BICDL1: variants seen among roughly 807,000 people sequenced by gnomAD.
BICDL1 encodes BICD family-like cargo adapter 1.
In BICDL1, 20 loss-of-function variants were observed where a neutral mutation model predicts 76.8. The observed-to-expected ratio is 0.26, with a 90% CI of 0.18 to 0.38. The LOEUF (loss-of-function observed/expected upper bound fraction) is 0.38, where lower values mean the gene tolerates loss of function less well. BICDL1 is among the 10% of genes least tolerant of loss of function. BICDL1 has a pLI of 1.00. For synonymous variants in BICDL1, 383 were observed against 337.1 expected (o/e 1.14, Z -1.49); for missense variants, 700 against 798.6 (o/e 0.88, Z 1.49).
At chr12:120,085,069 A>C (rs758661680) in intron 8 of BICDL1, among the ~76,000 whole-genome samples, 1 of 152,092 alleles carries the variant, frequency 6.6e-6, no homozygotes, top group Non-Finnish European at 1.5e-5. Context: ...TCATTTTAGA[A>C]ATTATTCTTG....
rs528929577 is a variant in BICDL1, at chr12:120,044,862, T to C, written c.646-16848T>C. ...GTGTGATGCCTCCGGCTTTGTTCTT[T>C]TGGCGTAGGATTGACTTGGCGATGC... On this transcript the variant is annotated intron_variant, in intron 2 of 9. Transcript: ENST00000548673. Among the ~76,000 whole-genome samples, 296 of 152,312 alleles carry C rather than the reference T, an allele frequency of 1.9e-3. 8 individuals carry two copies. The highest frequency in any genetic ancestry group is 3.4e-3 in the Middle Eastern group (1 of 294).
At position 119,996,770 on chromosome 12, in the gene BICDL1, T is replaced by C. The variant is rs964351717; in HGVS notation, c.430-1751T>C. Among the ~76,000 whole-genome samples the C allele has an allele frequency of 2.6e-5, 4 of 152,112 alleles. No homozygotes were observed. In the East Asian group the frequency reaches 7.7e-4, roughly 29 times the overall value. On this transcript the variant is annotated intron_variant, in intron 1 of 9. Transcript: ENST00000548673. ...CAATCTCAGGAATTGCAGTCCAGGGTGTATTTTGAATAGTTACACCAGAAT... is the reference window on the plus strand; with the variant it reads ...CAATCTCAGGAATTGCAGTCCAGGGCGTATTTTGAATAGTTACACCAGAAT...
At chr12:120,088,870 T>TA (rs1555294451) in intron 8 of BICDL1, among the ~76,000 whole-genome samples, 4 of 151,494 alleles carry the variant, frequency 2.6e-5, no homozygotes, top group Non-Finnish European at 5.9e-5. Flanking sequence ...GTTTCACTGT[T>TA]AGCCAGGATG....
chr12:120,039,624 T>G (rs1952595518), intron 2 of BICDL1, among the ~76,000 whole-genome samples: 1 of 109,790 alleles, frequency 9.1e-6, no homozygotes, highest in Admixed American at 1.3e-4. Context: ...GGTGACAGAG[T>G]GAGACTCCGT....
intron 4 of BICDL1, among the ~76,000 whole-genome samples, chr12:120,068,776 A>G (rs1420185930): frequency 6.6e-6 from 1 of 152,216 alleles, no homozygotes; most frequent in East Asian, 1.9e-4. Flanking sequence ...CAATCGTGCC[A>G]CTGCACTCCA....
chr12:120,073,496 A>T (rs1023572398), intron 6 of BICDL1, among the ~76,000 whole-genome samples: 2 of 152,344 alleles, frequency 1.3e-5, no homozygotes, highest in South Asian at 2.1e-4. Context: ...AGTTGGGAAG[A>T]TCAGCTCTAA....
At chr12:120,016,882 T>G (rs1031197255) in intron 2 of BICDL1, among the ~76,000 whole-genome samples, 2 of 152,114 alleles carry the variant, frequency 1.3e-5, no homozygotes, top group Non-Finnish European at 2.9e-5. Context: ...GGTAATAGAT[T>G]TATTTTACTT....
intron 2 of BICDL1, among the ~76,000 whole-genome samples, chr12:120,047,329 C>T (rs541137477): frequency 6.6e-5 from 10 of 152,180 alleles, no homozygotes; most frequent in African/African-American, 2.4e-4. Context: ...TTGTTTTTGA[C>T]TTAAAAAGGG....
intron 8 of BICDL1, among the ~76,000 whole-genome samples, chr12:120,088,033 G>C (rs1445470886): frequency 6.6e-6 from 1 of 152,110 alleles, no homozygotes; most frequent in African/African-American, 2.4e-5. Flanking sequence ...GGATTCAAGT[G>C]ATCTCCTACC....
intron 2 of BICDL1, among the ~76,000 whole-genome samples, chr12:120,017,828 T>C (rs1952097301): frequency 6.6e-6 from 1 of 152,188 alleles, no homozygotes; most frequent in Admixed American, 6.5e-5. Context: ...TAATCGAGTA[T>C]AGGCTGTGGA....
At chr12:120,083,799 G>A (rs757364836) in intron 8 of BICDL1, among the ~76,000 whole-genome samples, 8 of 151,466 alleles carry the variant, frequency 5.3e-5, no homozygotes, top group Non-Finnish European at 7.4e-5. Flanking sequence ...GGAATTACAG[G>A]CATGCGCCCC....
At chr12:120,017,604 G>A (rs981656239) in intron 2 of BICDL1, among the ~76,000 whole-genome samples, 3 of 152,006 alleles carry the variant, frequency 2.0e-5, no homozygotes, top group Non-Finnish European at 4.4e-5. Context: ...TGGTGGCACA[G>A]GTCTATAGTT....
rs1873387172 is a variant in BICDL1, at chr12:120,074,563, G to C, written c.1429G>C (p.Glu477Gln). The change falls in exon 7 of 10, where the codon GAG (glutamate) becomes CAG (glutamine). Residue 477 changes from glutamate (E) to glutamine (Q), a missense_variant. Glu to Gln is a conservative substitution (Grantham distance 29). Transcript: ENST00000548673. The stretch of plus-strand genomic sequence containing the variant: ...GGGTAAACTGAGGCAAAGCCTAGAA[G>C]AGCTGCAGCGACTCCACAGTCAGGT... ...ERGKLRQSLE[E>Q]LQRLHSQVTL... The C allele has an allele frequency of 8.0e-7, 1 of 1,249,056 alleles. No homozygotes were observed. Among genetic ancestry groups the C allele is most frequent in the African/African-American group, 1.6e-5 (1 of 64,028 alleles). 77.4% of individuals were successfully genotyped at this position (1,249,056 alleles called of 1,614,324 possible). A position where few individuals can be genotyped will look rare whatever the true frequency, so the allele number is the denominator to read the frequency against.
intron 4 of BICDL1, among the ~76,000 whole-genome samples, chr12:120,065,335 C>G (rs2138916266): frequency 6.6e-6 from 1 of 152,302 alleles, no homozygotes; most frequent in South Asian, 2.1e-4. Flanking sequence ...CTGAACACAG[C>G]AAGATTTATA....
In BICDL1 at chr12:119,989,572, A is replaced by G. The variant is rs1184841845; in HGVS notation, c.-297A>G. ...CGCCGACCCTCAGTCTCTGTTCCTG[A>G]GTCCTCCCTTCCCCAGCCTTCCCGT... On this transcript the variant is annotated 5_prime_UTR_variant, in exon 1 of 10. Transcript: ENST00000548673. Among the ~76,000 whole-genome samples, 10 of 149,950 alleles carry G rather than the reference A, an allele frequency of 6.7e-5. No individual in the cohort carries two copies. Among genetic ancestry groups the G allele is most frequent in the Admixed American group, 1.3e-4 (2 of 15,130 alleles).
rs747954000 is a variant in BICDL1, at chr12:120,080,882, G to A, written c.1453-5G>A. 4.3e-6 allele frequency: 7 copies of A among 1,612,588 alleles called. No individual in the cohort carries two copies. The East Asian group carries it at 1.6e-4, about 36-fold the overall frequency. ...GCAGTGATACCATATTCATTCTCCT[G>A]TTAGGTGACACTGCTGAGTGTGGAG... On this transcript the variant is annotated splice_polypyrimidine_tract_variant and splice_region_variant and intron_variant, in intron 7 of 9. Transcript: ENST00000548673.
intron 8 of BICDL1, among the ~76,000 whole-genome samples, chr12:120,084,445 T>A (rs1874239851): frequency 1.3e-5 from 2 of 152,222 alleles, no homozygotes; most frequent in African/African-American, 4.8e-5. Flanking sequence ...GTCTTCTGAT[T>A]CCCGTCTTCC....
chr12:120,065,135 C>A (rs1203535965), intron 4 of BICDL1, among the ~76,000 whole-genome samples: 2 of 152,210 alleles, frequency 1.3e-5, no homozygotes, highest in Non-Finnish European at 2.9e-5. Flanking sequence ...TCACAGAGTT[C>A]TCTCTGGGTT....
In BICDL1 at chr12:120,079,582, T is replaced by C. The variant is rs1011043522; in HGVS notation, c.1453-1305T>C. 1.3e-5 allele frequency among the ~76,000 whole-genome samples: 2 copies of C among 152,210 alleles called. No individual in the cohort carries two copies. The highest frequency in any genetic ancestry group is 4.8e-5 in the African/African-American group (2 of 41,448). On this transcript the variant is annotated intron_variant, in intron 7 of 9. Coordinates refer to ENST00000548673, the MANE Select transcript of BICDL1 (RefSeq NM_001367886.1). The surrounding 1 kb of genome is among the most constrained non-coding windows in gnomAD (Gnocchi z 4.3). Reference sequence around the variant, plus strand: ...GCATCCTGACTCACGTCTGATCTTATCAACTGAGAAGAAGGGGCTCCCACC... The same window carrying C: ...GCATCCTGACTCACGTCTGATCTTACCAACTGAGAAGAAGGGGCTCCCACC...
Sources: gnomAD v4.1 joint callset for allele counts (sites outside exome capture counted in the v4.1 genomes callset) on GRCh38, gnomAD v4.1.1 for gene constraint, Gnocchi (gnomAD v3.1) non-coding constraint, MANE v1.5 for transcripts, NCBI Gene and HGNC (gene_info 2026-07-23, HGNC 2026-07-21) for gene names.